Variants in NELL2 observed in about 807,000 individuals in gnomAD.
The protein encoded by NELL2 is neural EGFL like 2.
Under a neutral mutation model 109.6 loss-of-function variants are expected in NELL2, and 41 were observed. That is an observed-to-expected ratio of 0.37 (90% confidence interval 0.29 to 0.49). The LOEUF is 0.49. Ranked by LOEUF, NELL2 falls within the 20% of genes least tolerant of loss-of-function variation. The pLI, the probability that NELL2 is intolerant of heterozygous loss-of-function variation, is 0.98. For missense variants in NELL2, 900 were observed against 1,008.3 expected (o/e 0.89, Z 1.45); for synonymous variants, 355 against 344.7 (o/e 1.03, Z -0.33).
At chr12:44,632,195 G>A (rs182605343) in intron 13 of NELL2, among the ~76,000 whole-genome samples, 1 of 152,126 alleles carries the variant, frequency 6.6e-6, no homozygotes, top group African/African-American at 2.4e-5. Flanking sequence ...TGGCGTCAAC[G>A]AAAAACTAAA....
At chr12:44,727,003 C>T (rs1169183391) in intron 9 of NELL2, among the ~76,000 whole-genome samples, 1 of 152,062 alleles carries the variant, frequency 6.6e-6, no homozygotes, top group Non-Finnish European at 1.5e-5. Flanking sequence ...TTTGTCAAAT[C>T]ACCTGGAGAT....
intron 2 of NELL2, among the ~76,000 whole-genome samples, chr12:44,827,859 T>C (rs1222178914): frequency 1.3e-5 from 2 of 152,186 alleles, no homozygotes. Flanking sequence ...TTATAGTAGC[T>C]CTATTTTAGT....
chr12:44,911,700 A>G (rs1446363465), intron 1 of NELL2, among the ~76,000 whole-genome samples: 1 of 151,988 alleles, frequency 6.6e-6, no homozygotes, highest in Admixed American at 6.6e-5. Context: ...TGAGTAAAAG[A>G]CATAATCCTG....
intron 16 of NELL2, among the ~76,000 whole-genome samples, chr12:44,526,824 G>T (rs1941801971): frequency 6.6e-6 from 1 of 152,204 alleles, no homozygotes; most frequent in African/African-American, 2.4e-5. Flanking sequence ...TTCCACCAGG[G>T]CTGTTCAGTA....
At chr12:44,912,988 T>G (rs769148650) in intron 1 of NELL2, among the ~76,000 whole-genome samples, 2 of 152,208 alleles carry the variant, frequency 1.3e-5, no homozygotes, top group Non-Finnish European at 2.9e-5. Flanking sequence ...GTTGTTCTGA[T>G]GATTAAGTTG....
In NELL2 at chr12:44,779,934, G is replaced by A. The variant is rs1463715513; in HGVS notation, c.424C>T (p.Pro142Ser). The part of the protein sequence containing the change: ...GSHRPHTEVF[P>S]YILADDKWHK... ...CACTTGTCATCAGCCAAAATGTAAG[G>A]AAACACTTCTGTGTGAGGGCGGTGA... The change falls in exon 4 of 20, where the codon CCT (proline) becomes TCT (serine). Residue 142 changes from proline (P) to serine (S), a missense_variant. Pro to Ser is a moderately conservative substitution (Grantham distance 74). Coordinates refer to ENST00000429094, the MANE Select transcript of NELL2 (RefSeq NM_001145108.2). 29 of 1,613,808 alleles carry A rather than the reference G, an allele frequency of 1.8e-5. No individual in the cohort carries two copies. The highest frequency in any genetic ancestry group is 2.5e-5 in the Non-Finnish European group (29 of 1,179,840).
intron 15 of NELL2, among the ~76,000 whole-genome samples, chr12:44,604,461 T>C (rs1414081654): frequency 6.6e-6 from 1 of 152,146 alleles, no homozygotes; most frequent in Non-Finnish European, 1.5e-5. Flanking sequence ...TTCAGAAAAG[T>C]CCAACAAATA....
rs749173875 is a variant in NELL2 at position 44,774,756 on chromosome 12, C to T, written c.985G>A (p.Glu329Lys). The T allele has an allele frequency of 1.9e-6, 3 of 1,613,266 alleles. No homozygotes were observed. In the South Asian group the frequency reaches 3.3e-5, roughly 18 times the overall value. ...TAAAAGTTATGCTCACATTTGCATT[C>T]CTTACAGCATTTGCCATCCACATAC... Reference protein sequence around the residue: ...LAYVDGKCCKECKSICQFQGR... With the variant: ...LAYVDGKCCKKCKSICQFQGR... Residue 329 changes from glutamate to lysine, a missense_variant, in exon 9 of 20, where the codon GAA becomes AAA. By Grantham distance (56) the Glu-to-Lys change is moderately conservative. This residue lies in a region of NELL2 where 292 missense variants were observed against 265.3 expected (regional missense o/e 1.10). Coordinates refer to ENST00000429094, the MANE Select transcript of NELL2 (RefSeq NM_001145108.2).
intron 10 of NELL2, among the ~76,000 whole-genome samples, chr12:44,712,550 T>C (rs1275574879): frequency 1.3e-5 from 2 of 152,026 alleles, no homozygotes; most frequent in South Asian, 2.1e-4. Flanking sequence ...GGGACTCGAA[T>C]TGACAGCCCA....
chr12:44,640,461 G>A (rs1461609480), intron 13 of NELL2, among the ~76,000 whole-genome samples: 2 of 152,084 alleles, frequency 1.3e-5, no homozygotes, highest in Non-Finnish European at 2.9e-5. Flanking sequence ...ATTTCTATAA[G>A]CTTTAAGTAA....
intron 13 of NELL2, among the ~76,000 whole-genome samples, chr12:44,620,015 A>G (rs1408414588): frequency 3.3e-5 from 5 of 152,114 alleles, no homozygotes; most frequent in Non-Finnish European, 7.4e-5. Flanking sequence ...ACTTTAGATA[A>G]CTTAGGTTCT....
chr12:44,822,146 A>G (rs996904947), intron 2 of NELL2, among the ~76,000 whole-genome samples: 2 of 152,328 alleles, frequency 1.3e-5, no homozygotes, highest in South Asian at 2.1e-4. Flanking sequence ...AATAAAGTGC[A>G]GTGGTTACAG....
At chr12:44,650,099 T>A (rs1356710406) in intron 13 of NELL2, among the ~76,000 whole-genome samples, 1 of 152,212 alleles carries the variant, frequency 6.6e-6, no homozygotes, top group Non-Finnish European at 1.5e-5. Flanking sequence ...TTTCATTGAT[T>A]AACTTACAAT....
intron 1 of NELL2, among the ~76,000 whole-genome samples, chr12:44,920,816 G>A (rs1945863329): frequency 6.6e-6 from 1 of 152,094 alleles, no homozygotes; most frequent in Non-Finnish European, 1.5e-5. Flanking sequence ...GTACAAACCA[G>A]TGCAAATGTT....
chr12:44,723,320 G>A (rs898256680), intron 9 of NELL2, among the ~76,000 whole-genome samples: 7 of 152,156 alleles, frequency 4.6e-5, no homozygotes, highest in African/African-American at 9.7e-5. Flanking sequence ...TTACTATGCA[G>A]AGAAAGGGGA....
At chr12:44,550,971 T>G (rs991921127) in intron 15 of NELL2, among the ~76,000 whole-genome samples, 24 of 152,206 alleles carry the variant, frequency 1.6e-4, no homozygotes, top group Admixed American at 3.3e-4. Flanking sequence ...CTAACAATAC[T>G]CTCTTTTATA....
intron 9 of NELL2, among the ~76,000 whole-genome samples, chr12:44,717,267 G>A (rs796493062): frequency 6.6e-6 from 1 of 152,134 alleles, no homozygotes; most frequent in Admixed American, 6.5e-5. Context: ...TCATAAAAAT[G>A]CCATTAGAAT....
chr12:44,724,295 T>C (rs1378751061), intron 9 of NELL2, among the ~76,000 whole-genome samples: 2 of 151,340 alleles, frequency 1.3e-5, no homozygotes, highest in Admixed American at 1.3e-4. Context: ...TTGGGTACTA[T>C]GTTTTCTGCC....
chr12:44,863,144 T>C (rs949151618), intron 2 of NELL2, among the ~76,000 whole-genome samples: 2 of 152,006 alleles, frequency 1.3e-5, no homozygotes, highest in Non-Finnish European at 2.9e-5. Context: ...CCTCCCTGTG[T>C]CCATGTGTTC....
Sources: allele counts gnomAD v4.1 joint callset (sites outside exome capture counted in the v4.1 genomes callset), GRCh38; gene constraint gnomAD v4.1.1; regional missense constraint gnomAD v4.1.1; transcripts MANE v1.5; gene names NCBI Gene and HGNC (gene_info 2026-07-23, HGNC 2026-07-21).